Variants in CPVL observed in about 807,000 individuals in gnomAD.
CPVL encodes carboxypeptidase vitellogenic like, also known as probable serine carboxypeptidase CPVL.
Under a neutral mutation model 63.7 loss-of-function variants are expected in CPVL, and 51 were observed. The ratio of observed to expected loss-of-function variants is 0.80; its 90% CI spans 0.64 to 1.01. The LOEUF (loss-of-function observed/expected upper bound fraction) is 1.01. Ranked by LOEUF, CPVL falls within the 50% of genes least tolerant of loss-of-function variation. CPVL has a pLI of 0.00. For missense variants in CPVL, 530 were observed against 573.1 expected (o/e 0.92, Z 0.77); for synonymous variants, 195 against 206.0 (o/e 0.95, Z 0.46).
At chr7:29,185,396 A>G (rs1017893627) in intron 3 of CPVL, 4 of 152,088 alleles carry the variant, frequency 2.6e-5, no homozygotes, top group Admixed American at 1.3e-4. Flanking sequence ...ATTTTATTCT[A>G]TTTTCTCATA....
intron 1 of CPVL, among the ~76,000 whole-genome samples, chr7:29,145,152 C>T (rs1388642055): frequency 6.6e-6 from 1 of 151,804 alleles, no homozygotes; most frequent in African/African-American, 2.4e-5. Flanking sequence ...TCCAAAAGTG[C>T]TCCAATTCTC....
chr7:29,096,136 G>C lies in CPVL; in HGVS notation c.370C>G (p.His124Asp). 1.2e-6 allele frequency: 2 copies of C among 1,614,148 alleles called. No homozygotes were observed. Among genetic ancestry groups the C allele is most frequent in the Non-Finnish European group, 1.7e-6 (2 of 1,179,984 alleles). Residue 124 changes from histidine (H) to aspartate (D), a missense_variant, in exon 4 of 13, where the codon CAT becomes GAT. Coordinates refer to ENST00000265394, the MANE Select transcript of CPVL (RefSeq NM_031311.5). ...TTACTTGTGACAACATAAGGCCCAT[G>C]TTCCACAAAGAGTCCAAACATGGAT... ...GSSMFGLFVEHGPYVVTSNMT... is the reference protein window; with the variant it reads ...GSSMFGLFVEDGPYVVTSNMT...
intron 2 of CPVL, among the ~76,000 whole-genome samples, chr7:29,119,178 G>A (rs1409572250): frequency 6.6e-6 from 1 of 152,118 alleles, no homozygotes; most frequent in African/African-American, 2.4e-5. Flanking sequence ...GTGATTAAGC[G>A]CAAAGAAGCA....
At chr7:29,025,259 G>A (rs1787381984) in intron 12 of CPVL, among the ~76,000 whole-genome samples, 1 of 139,164 alleles carries the variant, frequency 7.2e-6, no homozygotes, top group Non-Finnish European at 1.5e-5. Flanking sequence ...AATTCTGTAG[G>A]CTATACAAGT....
At chr7:29,166,848 C>T (rs1328159346) in intron 5 of CPVL, among the ~76,000 whole-genome samples, 2 of 151,816 alleles carry the variant, frequency 1.3e-5, no homozygotes, top group Non-Finnish European at 2.9e-5. Context: ...TTTCTATTTC[C>T]TGTACCTTCT....
chr7:29,097,586 C>T (rs964654419), intron 3 of CPVL, among the ~76,000 whole-genome samples: 1 of 152,116 alleles, frequency 6.6e-6, no homozygotes, highest in Non-Finnish European at 1.5e-5. Flanking sequence ...ATCCCAGCTA[C>T]TTGGGAGGCT....
intron 5 of CPVL, among the ~76,000 whole-genome samples, chr7:29,169,032 C>A (rs1005873902): frequency 5.9e-5 from 9 of 152,090 alleles, no homozygotes; most frequent in African/African-American, 2.2e-4. Flanking sequence ...AAAATGGACT[C>A]AAATTGTGGT....
At chr7:29,178,606 TA>T (rs1301483740) in intron 5 of CPVL, among the ~76,000 whole-genome samples, 1 of 152,160 alleles carries the variant, frequency 6.6e-6, no homozygotes, top group East Asian at 1.9e-4. Flanking sequence ...GTTATCTTTT[TA>T]AAAAAAGCAG....
chr7:29,002,866 C>CA (rs373207674), intron 12 of CPVL, among the ~76,000 whole-genome samples: 53,374 of 124,150 alleles, frequency 0.43, 12,117 homozygotes, highest in Non-Finnish European at 0.55. Flanking sequence ...TATGAAAATT[C>CA]AAAAAAAAAA....
At chr7:29,101,220 T>A (rs927562431) in intron 3 of CPVL, among the ~76,000 whole-genome samples, 1 of 152,210 alleles carries the variant, frequency 6.6e-6, no homozygotes, top group African/African-American at 2.4e-5. Flanking sequence ...ATTACAAAAT[T>A]CAGGAATTTA....
At chr7:29,037,420 G>T (rs57491161) in intron 11 of CPVL, among the ~76,000 whole-genome samples, 207 of 151,810 alleles carry the variant, frequency 1.4e-3, no homozygotes, top group African/African-American at 4.8e-3. Flanking sequence ...GGGCATGGTG[G>T]TGGGCGCCTG....
intron 11 of CPVL, among the ~76,000 whole-genome samples, chr7:29,060,990 G>A (rs997129524): frequency 6.6e-6 from 1 of 152,202 alleles, no homozygotes; most frequent in African/African-American, 2.4e-5. Flanking sequence ...AGCTGCGTGA[G>A]TGAACATGCT....
chr7:29,189,049 CA>C (rs1799066691), intron 1 of CPVL, among the ~76,000 whole-genome samples: 1 of 149,940 alleles, frequency 6.7e-6, no homozygotes. Context: ...CTCCTGGGTT[CA>C]AGCAATTCTC....
At chr7:29,146,955 C>T, upstream of CPVL, 1 of 1,551,078 alleles carries the variant, frequency 6.4e-7, no homozygotes, top group Non-Finnish European at 8.7e-7. Flanking sequence ...TCCAGCTGCA[C>T]TAGCAGTAAG....
chr7:29,066,448 G>T (rs1584153124), intron 9 of CPVL, among the ~76,000 whole-genome samples: 1 of 152,156 alleles, frequency 6.6e-6, no homozygotes, highest in East Asian at 1.9e-4. Context: ...AACTAAAGAG[G>T]AGTAGGAAGT....
chr7:29,055,609 G>A lies in CPVL; in HGVS notation c.1137+8452C>T, dbSNP rs1420008453. ...GTTGCCAGAGTTCCTAGCACTGTGGGACCAGTTTGGGCCCTCCACATGTCC... is the reference window on the plus strand; with the variant it reads ...GTTGCCAGAGTTCCTAGCACTGTGGAACCAGTTTGGGCCCTCCACATGTCC... On this transcript the variant is annotated intron_variant, in intron 11 of 12. Transcript: ENST00000265394. Among the ~76,000 whole-genome samples, 5 of 152,244 alleles carry A rather than the reference G, an allele frequency of 3.3e-5. No homozygotes were observed. The East Asian group carries it at 9.7e-4, about 29-fold the overall frequency.
At position 29,071,843 on chromosome 7, in the gene CPVL, T is replaced by C; in HGVS notation, c.794A>G (p.Lys265Arg). Residue 265 changes from lysine (K) to arginine (R), a missense_variant, in exon 9 of 13, where the codon AAG becomes AGG. Transcript: ENST00000265394. Reference sequence around the variant, plus strand: ...TTCATGGCACTGCTTCTGGAAGTACTTTTTTTGCTTCTCATCCAACAAGCC... The same window carrying C: ...TTCATGGCACTGCTTCTGGAAGTACCTTTTTTGCTTCTCATCCAACAAGCC... ...QIGLLDEKQK[K>R]YFQKQCHECI... 5 of 1,613,118 alleles carry C rather than the reference T, an allele frequency of 3.1e-6. No individual in the cohort carries two copies. The highest frequency in any genetic ancestry group is 4.2e-6 in the Non-Finnish European group (5 of 1,179,384).
upstream of CPVL, chr7:29,146,603 C>T: frequency 1.9e-6 from 3 of 1,550,422 alleles, no homozygotes; most frequent in Non-Finnish European, 2.6e-6. Flanking sequence ...ACCCACAGGG[C>T]AAAAAGTGCG....
intron 11 of CPVL, among the ~76,000 whole-genome samples, chr7:29,059,976 T>C (rs1468838429): frequency 6.6e-6 from 1 of 152,184 alleles, no homozygotes; most frequent in Admixed American, 6.5e-5. Flanking sequence ...TATATTTCAG[T>C]TTGTTTGGCT....
Sources: gnomAD v4.1 joint callset for allele counts (sites outside exome capture counted in the v4.1 genomes callset) on GRCh38, gnomAD v4.1.1 for gene constraint, MANE v1.5 for transcripts, NCBI Gene and HGNC (gene_info 2026-07-23, HGNC 2026-07-21) for gene names.